SLC35F3: variants seen among roughly 807,000 people sequenced by gnomAD.
SLC35F3 encodes the protein solute carrier family 35 member F3.
A neutral mutation model predicts 49.9 loss-of-function variants in SLC35F3; 25 were observed. That is an observed-to-expected ratio of 0.50 (90% CI 0.37 to 0.70). SLC35F3 has a LOEUF of 0.70. SLC35F3 is among the 30% of genes least tolerant of loss of function. The probability of loss-of-function intolerance (pLI) is 0.00; values close to 1 mark genes in which losing one functional copy is unlikely to be tolerated. For missense variants in SLC35F3, 525 were observed against 639.8 expected (o/e 0.82, Z 1.94); for synonymous variants, 275 against 265.4 (o/e 1.04, Z -0.35).
In SLC35F3 at chr1:233,927,717, C is replaced by T. The variant is rs1416735395; in HGVS notation, c.283+21959C>T. On this transcript the variant is annotated intron_variant, in intron 2 of 7. Coordinates refer to ENST00000366618, the MANE Select transcript of SLC35F3 (RefSeq NM_173508.4). ...TTCCATTCTTATACTTAATTTTTGT[C>T]TCCCAGAGTATGATCTATGTCCATG... 1.6e-4 allele frequency among the ~76,000 whole-genome samples: 24 copies of T among 151,960 alleles called. 1 individual carries two copies. The highest frequency in any genetic ancestry group is 1.6e-3 in the Admixed American group (24 of 15,250).
At chr1:234,121,123 T>C (rs1220558180) in intron 2 of SLC35F3, among the ~76,000 whole-genome samples, 3 of 148,428 alleles carry the variant, frequency 2.0e-5, no homozygotes, top group Non-Finnish European at 4.5e-5. Flanking sequence ...AATTTGAAGA[T>C]GAAAAATTAC....
At chr1:234,107,349 A>T (rs1046121682) in intron 2 of SLC35F3, among the ~76,000 whole-genome samples, 3 of 152,250 alleles carry the variant, frequency 2.0e-5, no homozygotes, top group African/African-American at 7.2e-5. Context: ...ATCCCATAAC[A>T]GGGGAGTGAA....
intron 2 of SLC35F3, among the ~76,000 whole-genome samples, chr1:234,098,539 ATGG>A (rs1665162935): frequency 7.3e-6 from 1 of 137,592 alleles, no homozygotes; most frequent in Non-Finnish European, 1.5e-5. Flanking sequence ...TAGAGTGATG[ATGG>A]TGGTGGTGAT....
intron 2 of SLC35F3, among the ~76,000 whole-genome samples, chr1:234,180,053 T>A (rs1280188274): frequency 6.6e-6 from 1 of 152,134 alleles, no homozygotes; most frequent in East Asian, 1.9e-4. Flanking sequence ...TCCATAGACA[T>A]TTTTTGTAAC....
chr1:234,029,987 C>T (rs1054522547), intron 2 of SLC35F3, among the ~76,000 whole-genome samples: 4 of 152,120 alleles, frequency 2.6e-5, no homozygotes, highest in Non-Finnish European at 4.4e-5. Flanking sequence ...GCCAAAGAGA[C>T]GTTAGGTTCC....
At chr1:234,140,001 A>AT (rs1665878994) in intron 2 of SLC35F3, among the ~76,000 whole-genome samples, 5 of 142,218 alleles carry the variant, frequency 3.5e-5, no homozygotes, top group Non-Finnish European at 8.0e-5. Flanking sequence ...AAATAAAATA[A>AT]AGTAAGTGAC....
chr1:234,105,442 T>G (rs1285450748), intron 2 of SLC35F3, among the ~76,000 whole-genome samples: 1 of 152,212 alleles, frequency 6.6e-6, no homozygotes, highest in African/African-American at 2.4e-5. Context: ...AGGTGTTCTG[T>G]ATATCCAGTT....
chr1:233,981,212 C>CGTGT, intron 2 of SLC35F3, among the ~76,000 whole-genome samples: 1 of 151,734 alleles, frequency 6.6e-6, no homozygotes, highest in East Asian at 1.9e-4. Context: ...TTTATGTGTA[C>CGTGT]GTGTGTGTGT....
intron 2 of SLC35F3, among the ~76,000 whole-genome samples, chr1:234,159,751 C>T (rs1666200135): frequency 6.6e-6 from 1 of 152,130 alleles, no homozygotes; most frequent in African/African-American, 2.4e-5. Context: ...AATTTGTAGG[C>T]AAGGGATTCA....
chr1:234,139,953 A>ATAAAATAAAATAAAATAAAATAAAAT (rs1458867818), intron 2 of SLC35F3, among the ~76,000 whole-genome samples: 11 of 117,710 alleles, frequency 9.3e-5, no homozygotes, highest in Middle Eastern at 4.2e-3. Flanking sequence ...TCTCAAAATA[A>ATAAAATAAAATAAAATAAAATAAAAT]TAAAATAAAA....
chr1:234,051,196 T>C (rs1215381984), intron 2 of SLC35F3, among the ~76,000 whole-genome samples: 1 of 152,140 alleles, frequency 6.6e-6, no homozygotes, highest in African/African-American at 2.4e-5. Flanking sequence ...GTAGCTTGAT[T>C]GGGATGGCAT....
At chr1:234,100,349 G>A (rs1019329886) in intron 2 of SLC35F3, among the ~76,000 whole-genome samples, 2 of 152,108 alleles carry the variant, frequency 1.3e-5, no homozygotes. Context: ...TCCAATAACA[G>A]TTATATTATT....
At chr1:234,184,795 C>A (rs1239976028) in intron 2 of SLC35F3, among the ~76,000 whole-genome samples, 1 of 152,170 alleles carries the variant, frequency 6.6e-6, no homozygotes, top group East Asian at 1.9e-4. Context: ...CTACCACACA[C>A]GTGACATTGT....
Position 234,239,582 on chromosome 1 carries a change from G to GA in SLC35F3, c.608+7844dup, listed in dbSNP as rs1210568777. On this transcript the variant is annotated intron_variant, in intron 3 of 7. Coordinates refer to ENST00000366618, the MANE Select transcript of SLC35F3 (RefSeq NM_173508.4). The stretch of plus-strand genomic sequence containing the variant: ...ATCAATGAGTCCAGAGATGCTCAGA[G>GA]AAAGGGCAAGAGAGCCCTGTGCTCT... Among the ~76,000 whole-genome samples the GA allele has an allele frequency of 2.0e-5, 3 of 152,216 alleles. No individual in the cohort carries two copies. The East Asian group carries it at 5.8e-4, about 29-fold the overall frequency.
At chr1:234,162,745 G>A (rs137873894) in intron 2 of SLC35F3, among the ~76,000 whole-genome samples, 8 of 152,340 alleles carry the variant, frequency 5.3e-5, no homozygotes, top group South Asian at 2.1e-4. Context: ...TCAAAGGGAT[G>A]ATTAAGACTC....
intron 2 of SLC35F3, among the ~76,000 whole-genome samples, chr1:234,036,410 G>T (rs1301876319): frequency 6.6e-6 from 1 of 152,138 alleles, no homozygotes; most frequent in Non-Finnish European, 1.5e-5. Context: ...CATATCTTTG[G>T]ATCTTTTTTC....
chr1:233,931,496 G>A (rs895432539), intron 2 of SLC35F3, among the ~76,000 whole-genome samples: 11 of 152,156 alleles, frequency 7.2e-5, no homozygotes, highest in Admixed American at 1.3e-4. Flanking sequence ...GTTATGAACC[G>A]ACGCTTCTCA....
chr1:234,222,603 T>A (rs1160106077), intron 2 of SLC35F3, among the ~76,000 whole-genome samples: 1 of 152,154 alleles, frequency 6.6e-6, no homozygotes, highest in Non-Finnish European at 1.5e-5. Context: ...GCTGGCCACT[T>A]CACAGGAGAA....
chr1:234,012,778 A>G (rs910448895), intron 2 of SLC35F3, among the ~76,000 whole-genome samples: 1 of 152,236 alleles, frequency 6.6e-6, no homozygotes, highest in African/African-American at 2.4e-5. Context: ...CCCTTTCTAC[A>G]TAGACACAGT....
Sources: allele counts gnomAD v4.1 joint callset (sites outside exome capture counted in the v4.1 genomes callset), GRCh38; gene constraint gnomAD v4.1.1; transcripts MANE v1.5; gene names NCBI Gene and HGNC (gene_info 2026-07-23, HGNC 2026-07-21).